DNAJA2: variants seen among roughly 807,000 people sequenced by gnomAD.
DNAJA2 encodes the protein dnaJ homolog subfamily A member 2.
DNAJA2 carries 6 observed loss-of-function variants against 49.3 expected under a neutral mutation model. The ratio of observed to expected loss-of-function variants is 0.12; its 90% CI spans 0.07 to 0.24. The LOEUF (loss-of-function observed/expected upper bound fraction) is 0.24. Among genes scored for constraint, DNAJA2 ranks in the 10% least tolerant of loss-of-function variants. DNAJA2 has a pLI of 1.00. For synonymous variants in DNAJA2, 160 were observed against 172.7 expected (o/e 0.93, Z 0.58); for missense variants, 347 against 516.8 (o/e 0.67, Z 3.19).
At chr16:46,971,223 G>T in intron 3 of DNAJA2, 126 bp downstream of exon 3, 1 of 715,370 alleles carries the variant, frequency 1.4e-6, no homozygotes. Flanking sequence ...ACCAAAAGAA[G>T]ACAAGGCAAA....
chr16:46,973,644 G>C lies in DNAJA2; in HGVS notation c.-72C>G. 2.0e-6 allele frequency: 3 copies of C among 1,505,486 alleles called. No individual in the cohort carries two copies. The highest frequency in any genetic ancestry group is 2.6e-5 in the East Asian group (1 of 39,146). The allele number at this position is 1,505,486 out of a possible 1,614,324, so 93.3% of individuals were successfully genotyped here. A position where few individuals can be genotyped will look rare whatever the true frequency, so the allele number is the denominator to read the frequency against. ...GAGCGGAGTCGGGCCCACAAGCGGC[G>C]TCGGCGGCGGCACAGGCCGAGGGAG... On this transcript the variant is annotated 5_prime_UTR_variant, in exon 1 of 9. Transcript: ENST00000317089.
At chr16:46,969,980 T>C (rs928182548) in intron 3 of DNAJA2, among the ~76,000 whole-genome samples, 12 of 152,230 alleles carry the variant, frequency 7.9e-5, no homozygotes, top group Admixed American at 2.6e-4. Flanking sequence ...ATCCAAATGT[T>C]AATTTCTGAG....
Position 46,958,996 on chromosome 16 carries a change from C to T in DNAJA2, c.1047+7G>A. The T allele has an allele frequency of 6.4e-7, 1 of 1,571,960 alleles. No homozygotes were observed. Among genetic ancestry groups the T allele is most frequent in the Non-Finnish European group, 8.6e-7 (1 of 1,165,048 alleles). On this transcript the variant is annotated splice_region_variant and intron_variant, in intron 8 of 8. Transcript: ENST00000317089. Reference sequence around the variant, plus strand: ...GTCAACTGTTGTTTAATTTAAAGAACACTTACAGAAAGCTTGTCTGGGTTG... The same window carrying T: ...GTCAACTGTTGTTTAATTTAAAGAATACTTACAGAAAGCTTGTCTGGGTTG...
chr16:46,971,476 C>G lies in DNAJA2; in HGVS notation c.235G>C (p.Gly79Arg). The change falls in exon 3 of 9, where the codon GGC (glycine) becomes CGC (arginine). Residue 79 changes from glycine (G) to arginine (R), a missense_variant. Coordinates refer to ENST00000317089, the MANE Select transcript of DNAJA2 (RefSeq NM_005880.4). Reference sequence around the variant, plus strand: ...ATATCATCCATGCCACCACCTCCGCCGCTGCCTTCCCGAAGACCTTGCTCT... The same window carrying G: ...ATATCATCCATGCCACCACCTCCGCGGCTGCCTTCCCGAAGACCTTGCTCT... ...YGEQGLREGS[G>R]GGGGMDDIFS... 6.2e-7 allele frequency: 1 copy of G among 1,614,006 alleles called. No individual in the cohort carries two copies. Among genetic ancestry groups the G allele is most frequent in the South Asian group, 1.1e-5 (1 of 91,062 alleles).
At position 46,971,492 on chromosome 16, in the gene DNAJA2, A is replaced by C; in HGVS notation, c.219T>G (p.Gly73=). ...RELYDRYGEQ[G]LREGSGGGGG... ...CACCTCCGCCGCTGCCTTCCCGAAGACCTTGCTCTCCGTATCTGTCATATA... is the reference window on the plus strand; with the variant it reads ...CACCTCCGCCGCTGCCTTCCCGAAGCCCTTGCTCTCCGTATCTGTCATATA... Residue 73 remains glycine (G), a synonymous_variant, in exon 3 of 9, where the codon GGT becomes GGG. Coordinates refer to ENST00000317089, the MANE Select transcript of DNAJA2 (RefSeq NM_005880.4). 6.2e-7 allele frequency: 1 copy of C among 1,613,906 alleles called. No homozygotes were observed. The highest frequency in any genetic ancestry group is 8.5e-7 in the Non-Finnish European group (1 of 1,179,952).
intron 6 of DNAJA2, among the ~76,000 whole-genome samples, chr16:46,963,310 T>C (rs1961924468): frequency 6.6e-6 from 1 of 152,154 alleles, no homozygotes; most frequent in Admixed American, 6.5e-5. Context: ...ATTTATTCTT[T>C]GAGTAGGGTC....
At chr16:46,958,563 CAA>C (rs35370722) in intron 8 of DNAJA2, 8 of 129,130 alleles carry the variant, frequency 6.2e-5, no homozygotes, top group East Asian at 2.3e-4. Flanking sequence ...GACTCCATCT[CAA>C]AAAAAAAAAC....
Position 46,959,070 on chromosome 16 carries a change from C to G in DNAJA2, c.980G>C (p.Gly327Ala). 2 of 1,613,366 alleles carry G rather than the reference C, an allele frequency of 1.2e-6. No individual in the cohort carries two copies. Among genetic ancestry groups the G allele is most frequent in the Non-Finnish European group, 1.7e-6 (2 of 1,179,768 alleles). ...MPQYRNPFEK[G>A]DLYIKFDVQF... ...CACATCAAACTTTATGTAAAGATCA[C>G]CTTTTTCAAAGGGATTACGATACTG... Residue 327 changes from glycine (G) to alanine (A), a missense_variant, in exon 8 of 9, where the codon GGT becomes GCT. Transcript: ENST00000317089.
intron 1 of DNAJA2, among the ~76,000 whole-genome samples, chr16:46,973,234 G>C (rs1220183114): frequency 6.6e-6 from 1 of 152,078 alleles, no homozygotes; most frequent in Non-Finnish European, 1.5e-5. Context: ...GGAAGGAAGG[G>C]CTCCCATCGT....
Position 46,971,526 on chromosome 16 carries a change from T to C in DNAJA2, c.185A>G (p.Lys62Arg). Residue 62 changes from lysine (K) to arginine (R), a missense_variant, in exon 3 of 9, where the codon AAG becomes AGG. Lys to Arg is a conservative substitution (Grantham distance 26). Transcript: ENST00000317089. Reference sequence around the variant, plus strand: ...TCCGTATCTGTCATATAACTCACGCTTCTCAGGATTTGATAGTACTTCATA... The same window carrying C: ...TCCGTATCTGTCATATAACTCACGCCTCTCAGGATTTGATAGTACTTCATA... ...FAYEVLSNPEKRELYDRYGEQ... is the reference protein window; with the variant it reads ...FAYEVLSNPERRELYDRYGEQ... 6.2e-7 allele frequency: 1 copy of C among 1,609,498 alleles called. No individual in the cohort carries two copies. Among genetic ancestry groups the C allele is most frequent in the Non-Finnish European group, 8.5e-7 (1 of 1,178,816 alleles).
intron 3 of DNAJA2, among the ~76,000 whole-genome samples, chr16:46,968,406 C>G (rs1962004169): frequency 6.6e-6 from 1 of 152,158 alleles, no homozygotes; most frequent in African/African-American, 2.4e-5. Flanking sequence ...AGCATCAGGC[C>G]AACAATTTGC....
intron 6 of DNAJA2, among the ~76,000 whole-genome samples, chr16:46,962,242 C>A (rs543931043): frequency 2.0e-5 from 3 of 152,166 alleles, no homozygotes; most frequent in African/African-American, 4.8e-5. Flanking sequence ...AGCTAGTAAA[C>A]GGGGCCCAGA....
At position 46,963,613 on chromosome 16, in the gene DNAJA2, A is replaced by T. The variant is rs977755281; in HGVS notation, c.774+998T>A. On this transcript the variant is annotated intron_variant, in intron 6 of 8. Transcript: ENST00000317089. ...CTACTTGGGAGGCTGAGATGGGAGG[A>T]TTGCTTGGGCCCAGGGGCGAAGGTT... 3.3e-5 allele frequency among the ~76,000 whole-genome samples: 5 copies of T among 152,148 alleles called. No individual in the cohort carries two copies. The East Asian group carries it at 9.7e-4, about 29-fold the overall frequency.
chr16:46,967,482 C>T, intron 5 of DNAJA2, 31 bp downstream of exon 5: 1 of 1,612,618 alleles, frequency 6.2e-7, no homozygotes. Flanking sequence ...TCCATTCCAA[C>T]ATAAAAGCAG....
intron 5 of DNAJA2, 34 bp downstream of exon 5, chr16:46,967,479 C>T: frequency 6.2e-7 from 1 of 1,611,976 alleles, no homozygotes; most frequent in Non-Finnish European, 8.5e-7. Context: ...CAATCCATTC[C>T]AACATAAAAG....
At chr16:46,964,839 A>T (rs769715492) in intron 5 of DNAJA2, 32 bp from the exon 6 acceptor site, 44 of 1,563,750 alleles carry the variant, frequency 2.8e-5, no homozygotes, top group Non-Finnish European at 3.8e-5. Context: ...ACTTTCAGCA[A>T]GAGTACTATA....
In DNAJA2 at chr16:46,973,596, G is replaced by A; in HGVS notation, c.-24C>T. 3 of 1,588,816 alleles carry A rather than the reference G, an allele frequency of 1.9e-6. No homozygotes were observed. Among genetic ancestry groups the A allele is most frequent in the Non-Finnish European group, 2.6e-6 (3 of 1,173,982 alleles). The stretch of plus-strand genomic sequence containing the variant: ...ATGGCGGCCGGCCGGGCAGTGCTCG[G>A]GGAGAAGGTGGCGAAGCAGACAGAG... On this transcript the variant is annotated 5_prime_UTR_variant, in exon 1 of 9. Transcript: ENST00000317089.
chr16:46,963,055 T>C (rs1961921161), intron 6 of DNAJA2, among the ~76,000 whole-genome samples: 3 of 152,206 alleles, frequency 2.0e-5, no homozygotes, highest in Admixed American at 2.0e-4. Flanking sequence ...CCCACCTTTT[T>C]AGAATTAAAA....
intron 1 of DNAJA2, 75 bp downstream of exon 1, chr16:46,973,420 G>T: frequency 1.4e-6 from 2 of 1,406,918 alleles, no homozygotes; most frequent in Non-Finnish European, 1.9e-6. Flanking sequence ...CCAGTAGCGC[G>T]GCCTGGCTGA....
Sources: allele counts gnomAD v4.1 joint callset (sites outside exome capture counted in the v4.1 genomes callset), GRCh38; gene constraint gnomAD v4.1.1; transcripts MANE v1.5; gene names NCBI Gene and HGNC (gene_info 2026-07-23, HGNC 2026-07-21).